PUM3: variants seen among roughly 807,000 people sequenced by gnomAD.
PUM3 encodes the protein pumilio homolog 3.
In PUM3, 91 loss-of-function variants were observed where a neutral mutation model predicts 84.0. The ratio of observed to expected loss-of-function variants is 1.08; its 90% CI spans 0.91 to 1.29. The LOEUF (loss-of-function observed/expected upper bound fraction) is 1.29, where lower values mean the gene tolerates loss of function less well. PUM3 is among the 50% of genes most tolerant of loss of function. The probability of loss-of-function intolerance (pLI) is 0.00; values close to 1 mark genes in which losing one functional copy is unlikely to be tolerated. For synonymous variants in PUM3, 321 were observed against 266.7 expected, an observed-to-expected ratio of 1.20 and a Z score of -1.98; for missense variants, 1,067 against 767.5, an observed-to-expected ratio of 1.39 and a Z score of -4.61.
Position 2,812,211 on chromosome 9 carries a change from T to A in PUM3, c.1412+9A>T. On this transcript the variant is annotated intron_variant, in intron 14 of 17. Coordinates refer to ENST00000397885, the MANE Select transcript of PUM3 (RefSeq NM_014878.5). ...AATAAAGAAGTCAAGCCATTCTACTTGGTTTTACCTGTGTGCATTTCCATC... is the reference window on the plus strand; with the variant it reads ...AATAAAGAAGTCAAGCCATTCTACTAGGTTTTACCTGTGTGCATTTCCATC... 2 of 1,612,170 alleles carry A rather than the reference T, an allele frequency of 1.2e-6. No individual in the cohort carries two copies. The highest frequency in any genetic ancestry group is 1.7e-6 in the Non-Finnish European group (2 of 1,178,466).
At chr9:2,817,614 T>C (rs1821498730) in intron 13 of PUM3, among the ~76,000 whole-genome samples, 1 of 152,036 alleles carries the variant, frequency 6.6e-6, no homozygotes, top group Admixed American at 6.6e-5. Context: ...TTTTACAAAA[T>C]AAAAAATGTC....
At chr9:2,823,900 A>G (rs1815736887) in intron 11 of PUM3, 66 bp from the exon 12 acceptor site, 1 of 755,814 alleles carries the variant, frequency 1.3e-6, no homozygotes, top group African/African-American at 1.8e-5. Context: ...GTAGTTAAAC[A>G]TTTTAATATA....
At chr9:2,805,653 G>A (rs1237096902) in intron 17 of PUM3, among the ~76,000 whole-genome samples, 1 of 151,914 alleles carries the variant, frequency 6.6e-6, no homozygotes, top group Non-Finnish European at 1.5e-5. Context: ...ATACATCTTG[G>A]CTAAACACAC....
At chr9:2,843,428 C>T (rs1816319429) in intron 1 of PUM3, among the ~76,000 whole-genome samples, 2 of 152,206 alleles carry the variant, frequency 1.3e-5, no homozygotes, top group South Asian at 2.1e-4. Flanking sequence ...TCAGGCAAAC[C>T]GCCTAGCACT....
intron 13 of PUM3, among the ~76,000 whole-genome samples, chr9:2,814,259 T>TAACCACCTCAAAA (rs1363115442): frequency 1.8e-4 from 28 of 151,836 alleles, no homozygotes; most frequent in Admixed American, 2.6e-4. Flanking sequence ...TTGCCCAGGC[T>TAACCACCTCAAAA]GGAGTGCAGT....
rs1424712685 is a variant in PUM3, at chr9:2,804,415, T to A, written c.1863A>T (p.Ala621=). The change falls in exon 18 of 18, where the codon GCA becomes GCT. Residue 621 remains alanine, a synonymous_variant. Transcript: ENST00000397885. The part of the protein sequence containing the change: ...DLEVANKVKA[A]LKSLIPTLEK... ...CCAATGTAGGAATCAAGCTTTTCAG[T>A]GCAGCTTTGACTTTGTTTGCAACTT... 6.2e-7 allele frequency: 1 copy of A among 1,614,052 alleles called. No homozygotes were observed. Among genetic ancestry groups the A allele is most frequent in the African/African-American group, 1.3e-5 (1 of 75,046 alleles).
intron 3 of PUM3, among the ~76,000 whole-genome samples, chr9:2,834,577 A>C (rs1007285551): frequency 6.6e-5 from 10 of 152,204 alleles, no homozygotes; most frequent in African/African-American, 2.4e-4. Context: ...TCGAAAATTC[A>C]CTGTTCTGAG....
intron 1 of PUM3, among the ~76,000 whole-genome samples, chr9:2,840,432 C>T (rs746292021): frequency 1.3e-4 from 20 of 152,096 alleles, no homozygotes; most frequent in Non-Finnish European, 2.9e-4. Flanking sequence ...CATCCTATGT[C>T]CTCCTAAGTT....
chr9:2,812,413 A>G (rs1350617915), intron 13 of PUM3, 51 bp from the exon 14 acceptor site: 2 of 1,239,812 alleles, frequency 1.6e-6, no homozygotes, highest in Non-Finnish European at 1.1e-6. Context: ...TTCTCAAAAC[A>G]AAGTACCACA....
chr9:2,834,619 C>A (rs924866271), intron 3 of PUM3, among the ~76,000 whole-genome samples: 1 of 152,140 alleles, frequency 6.6e-6, no homozygotes, highest in Non-Finnish European at 1.5e-5. Context: ...TTATTTCTTA[C>A]AACAACTCGA....
chr9:2,813,608 G>T (rs1821411726), intron 13 of PUM3, among the ~76,000 whole-genome samples: 1 of 152,156 alleles, frequency 6.6e-6, no homozygotes, highest in South Asian at 2.1e-4. Flanking sequence ...TCTCTGAGAT[G>T]ATATATTCAG....
chr9:2,834,213 G>C (rs767751191), intron 3 of PUM3, 47 bp from the exon 4 acceptor site: 1 of 1,524,988 alleles, frequency 6.6e-7, no homozygotes, highest in East Asian at 2.3e-5. Context: ...CATTCTAAGT[G>C]TCATACACCA....
intron 17 of PUM3, among the ~76,000 whole-genome samples, chr9:2,805,452 T>G (rs1316289400): frequency 1.3e-5 from 2 of 152,140 alleles, no homozygotes; most frequent in Non-Finnish European, 2.9e-5. Flanking sequence ...AGAAATGAGG[T>G]ACTTGGTATT....
At chr9:2,843,250 C>T (rs1213162527) in intron 1 of PUM3, among the ~76,000 whole-genome samples, 5 of 152,188 alleles carry the variant, frequency 3.3e-5, no homozygotes, top group African/African-American at 1.2e-4. Flanking sequence ...TGTACTCTAA[C>T]TATACTCCTT....
At chr9:2,840,353 C>A (rs571364806) in intron 1 of PUM3, among the ~76,000 whole-genome samples, 1 of 152,254 alleles carries the variant, frequency 6.6e-6, no homozygotes, top group East Asian at 1.9e-4. Flanking sequence ...ACTAAAGAAT[C>A]CAGGCATACG....
intron 1 of PUM3, among the ~76,000 whole-genome samples, chr9:2,838,959 C>T (rs997683558): frequency 2.6e-5 from 4 of 152,180 alleles, no homozygotes; most frequent in African/African-American, 9.6e-5. Flanking sequence ...TGTACCACTA[C>T]ATGCATTTAA....
intron 13 of PUM3, among the ~76,000 whole-genome samples, chr9:2,818,955 C>A (rs1024591554): frequency 6.6e-6 from 1 of 152,234 alleles, no homozygotes; most frequent in African/African-American, 2.4e-5. Flanking sequence ...CAGGTAAATT[C>A]TCTTTTTGAA....
At chr9:2,804,613 AC>A in intron 17 of PUM3, 150 bp from the exon 18 acceptor site, 1 of 739,098 alleles carries the variant, frequency 1.4e-6, no homozygotes, top group Non-Finnish European at 2.1e-6. Context: ...GAATGATGAG[AC>A]CAGTAGCCCA....
chr9:2,816,210 G>T (rs957240903), intron 13 of PUM3, among the ~76,000 whole-genome samples: 2 of 152,236 alleles, frequency 1.3e-5, no homozygotes, highest in Non-Finnish European at 2.9e-5. Flanking sequence ...AGCTAGTGAA[G>T]AGGGAAGAGA....
Sources: allele counts gnomAD v4.1 joint callset (sites outside exome capture counted in the v4.1 genomes callset), GRCh38; gene constraint gnomAD v4.1.1; transcripts MANE v1.5; gene names NCBI Gene and HGNC (gene_info 2026-07-23, HGNC 2026-07-21).